Variants in TMEM92 observed in about 807,000 individuals in gnomAD.
TMEM92 encodes transmembrane protein 92.
TMEM92 carries 15 observed loss-of-function variants against 14.6 expected under a neutral mutation model. That is an observed-to-expected ratio of 1.03 (90% CI 0.69 to 1.58). The LOEUF is 1.58. Among genes scored for constraint, TMEM92 ranks in the 40% most tolerant of loss-of-function variants. TMEM92 has a pLI of 0.00. For synonymous variants in TMEM92, 85 were observed against 83.3 expected, an observed-to-expected ratio of 1.02 and a Z score of -0.11; for missense variants, 174 against 202.4, an observed-to-expected ratio of 0.86 and a Z score of 0.85.
Position 50,278,922 on chromosome 17 carries a change from C to T in TMEM92, c.292C>T (p.Leu98=), listed in dbSNP as rs1177928551. The T allele has an allele frequency of 6.2e-7, 1 of 1,613,866 alleles. No individual in the cohort carries two copies. The highest frequency in any genetic ancestry group is 1.7e-5 in the Admixed American group (1 of 60,006). ...CAGCCCAGTGGATTGCCGGGGGCCC[C>T]TGGAACTGCCCTCCATCATCCCCCC... ...PDSPVDCRGP[L]ELPSIIPPER... is the part of the protein sequence containing the mutation. Residue 98 remains leucine, a synonymous_variant, in exon 4 of 5, where the codon CTG becomes TTG. Coordinates refer to ENST00000507382, the MANE Select transcript of TMEM92 (RefSeq NM_153229.3).
At chr17:50,274,201 G>C (rs550855488), upstream of TMEM92, among the ~76,000 whole-genome samples, 3 of 151,972 alleles carry the variant, frequency 2.0e-5, no homozygotes, top group Non-Finnish European at 4.4e-5. Context: ...AGCTGGTCTC[G>C]AACTCCTGAC....
chr17:50,275,681 A>C (rs1461828969), intron 1 of TMEM92, among the ~76,000 whole-genome samples: 1 of 152,046 alleles, frequency 6.6e-6, no homozygotes, highest in East Asian at 1.9e-4. Context: ...CCGGAACTTG[A>C]GATTAATTTA....
chr17:50,279,903 C>G lies in TMEM92; in HGVS notation c.*595C>G, dbSNP rs889513755. 18 of 154,700 alleles carry G rather than the reference C, an allele frequency of 1.2e-4. No homozygotes were observed. The highest frequency in any genetic ancestry group is 4.3e-4 in the African/African-American group (18 of 41,438). The allele number at this position is 154,700 out of a possible 1,614,324, so 9.6% of individuals were successfully genotyped here. A position where few individuals can be genotyped will look rare whatever the true frequency, so the allele number is the denominator to read the frequency against. ...GGTGATGGGGTCGCTGCGCCGCAATCCCACCACTGATGAGCCACCTGGGAG... is the reference window on the plus strand; with the variant it reads ...GGTGATGGGGTCGCTGCGCCGCAATGCCACCACTGATGAGCCACCTGGGAG... On this transcript the variant is annotated 3_prime_UTR_variant, in exon 5 of 5. Transcript: ENST00000507382.
chr17:50,276,792 G>A lies in TMEM92; in HGVS notation c.70-923G>A, dbSNP rs138490328. Among the ~76,000 whole-genome samples, 596 of 152,256 alleles carry A rather than the reference G, an allele frequency of 3.9e-3. 6 individuals are homozygous for A. Among genetic ancestry groups the A allele is most frequent in the African/African-American group, 0.013 (559 of 41,538 alleles). ...ATGCAGCAAAAATCCCTGCCCTCGC[G>A]GAGTTTGCCTTTTACACAACTGAAG... On this transcript the variant is annotated intron_variant, in intron 1 of 4. Transcript: ENST00000507382.
rs1910544823 is a variant in TMEM92 at position 50,279,477 on chromosome 17, CCT to C, written c.*174_*175del. On this transcript the variant is annotated 3_prime_UTR_variant, in exon 5 of 5. Coordinates refer to ENST00000507382, the MANE Select transcript of TMEM92 (RefSeq NM_153229.3). ...TCTGCTTCTGTTTCCACCCCAGCTG[CCT>C]CTCTTGTCCTGAGGGTTAGGCTGGA... 1.6e-6 allele frequency: 1 copy of C among 609,402 alleles called. No individual in the cohort carries two copies. Among genetic ancestry groups the C allele is most frequent in the South Asian group, 1.9e-5 (1 of 53,698 alleles). The allele number at this position is 609,402 out of a possible 1,614,324, so 37.7% of individuals were successfully genotyped here. A position where few individuals can be genotyped will look rare whatever the true frequency, so the allele number is the denominator to read the frequency against.
In TMEM92 at chr17:50,275,016, G is replaced by A. The variant is rs75728956; in HGVS notation, c.69+446G>A. 7.6e-4 allele frequency: 122 copies of A among 159,962 alleles called. No homozygotes were observed. In the East Asian group the frequency reaches 0.022, roughly 29 times the overall value. The allele number at this position is 159,962 out of a possible 1,614,324, so 9.9% of individuals were successfully genotyped here. On this transcript the variant is annotated intron_variant, in intron 1 of 4. Coordinates refer to ENST00000507382, the MANE Select transcript of TMEM92 (RefSeq NM_153229.3). ...GTGTCTCTGCTTGTTCCCTAGGGGA[G>A]AGAAGGCTCTTTTGTCCCCTTCTAG...
chr17:50,281,447 G>T lies in TMEM92; in HGVS notation c.*2139G>T, dbSNP rs1910617652. ...TCATTGTGCCACCAGAGCTCCCTAT[G>T]CAGCCTTTTAAAAGAATAAATAGGA... On this transcript the variant is annotated 3_prime_UTR_variant, in exon 5 of 5. Coordinates refer to ENST00000507382, the MANE Select transcript of TMEM92 (RefSeq NM_153229.3). 1 of 152,146 alleles carries T rather than the reference G, an allele frequency of 6.6e-6. No individual in the cohort carries two copies. The highest frequency in any genetic ancestry group is 1.5e-5 in the Non-Finnish European group (1 of 68,028). 9.4% of individuals were successfully genotyped at this position (152,146 alleles called of 1,614,324 possible). A position where few individuals can be genotyped will look rare whatever the true frequency, so the allele number is the denominator to read the frequency against.
In TMEM92 at chr17:50,278,879, CAG is replaced by C. The variant is rs1910518761; in HGVS notation, c.254_255del (p.Glu85AlafsTer37). ...GLAKCFCRNC[R>X]EPEPDSPVDC... is the part of the protein sequence containing the mutation. ...TGGCTAAGTGCTTCTGTCGCAACTG[CAG>C]AGAGCCGGAGCCAGACAGCCCAGTG... On this transcript the variant is annotated frameshift_variant, in exon 4 of 5. Transcript: ENST00000507382. LOFTEE classifies it high-confidence loss of function. The C allele has an allele frequency of 3.1e-6, 5 of 1,613,858 alleles. No individual in the cohort carries two copies. The East Asian group carries it at 1.1e-4, about 36-fold the overall frequency.
intron 1 of TMEM92, among the ~76,000 whole-genome samples, chr17:50,277,480 G>A (rs961454812): frequency 5.9e-5 from 9 of 152,062 alleles, no homozygotes; most frequent in Middle Eastern, 3.4e-3. Context: ...CAAACCCGGG[G>A]GTGATGGAAT....
At chr17:50,279,033 C>A in intron 4 of TMEM92, 37 bp downstream of exon 4, 2 of 1,492,862 alleles carry the variant, frequency 1.3e-6, no homozygotes, top group South Asian at 1.2e-5. Context: ...TTGCCTCTGG[C>A]CGGCTGTGCA....
chr17:50,278,655 G>A lies in TMEM92; in HGVS notation c.170+25G>A, dbSNP rs773930622. On this transcript the variant is annotated intron_variant, in intron 3 of 4. Transcript: ENST00000507382. ...GGTGAGCCCAGGGCCAGCTCCTTTG[G>A]GTGCAGTCCTTGGAGGGGCCTGGTC... 3.7e-6 allele frequency: 6 copies of A among 1,611,022 alleles called. No individual in the cohort carries two copies. In the Middle Eastern group the frequency reaches 5.0e-4, roughly 134 times the overall value.
At chr17:50,274,714 T>TGTGGAGGTGGAGGTGGGGGCA in intron 1 of TMEM92, 144 bp downstream of exon 1, 6 of 781,026 alleles carry the variant, frequency 7.7e-6, no homozygotes, top group Non-Finnish European at 1.2e-5. Flanking sequence ...CTCTCTTTGC[T>TGTGGAGGTGGAGGTGGGGGCA]GTGGAGGTGG....
At chr17:50,274,818 T>C (rs1198186804) in intron 1 of TMEM92, 1 of 546,150 alleles carries the variant, frequency 1.8e-6, no homozygotes, top group African/African-American at 1.9e-5. Flanking sequence ...CCCACCACCT[T>C]ATCTGACACC....
chr17:50,274,631 GC>G, intron 1 of TMEM92, 61 bp downstream of exon 1: 1 of 1,464,864 alleles, frequency 6.8e-7, no homozygotes, highest in Non-Finnish European at 9.4e-7. Flanking sequence ...TCAGGAGCCT[GC>G]TTCTGGAGCC....
At chr17:50,275,825 CTG>C (rs1270929045) in intron 1 of TMEM92, among the ~76,000 whole-genome samples, 4 of 152,048 alleles carry the variant, frequency 2.6e-5, no homozygotes. Flanking sequence ...AGTTCCCTCT[CTG>C]TATATATATA....
intron 2 of TMEM92, 31 bp downstream of exon 2, chr17:50,277,771 G>A: frequency 1.2e-6 from 2 of 1,613,878 alleles, no homozygotes; most frequent in South Asian, 1.1e-5. Flanking sequence ...TTCCAATCTG[G>A]GGAGCGGGGA....
chr17:50,278,742 G>A (rs1050900550), intron 3 of TMEM92, 59 bp from the exon 4 acceptor site: 20 of 1,574,496 alleles, frequency 1.3e-5, no homozygotes, highest in Admixed American at 9.4e-5. Context: ...GCGGGGAGAT[G>A]TAGGGAGTCC....
intron 1 of TMEM92, 116 bp downstream of exon 1, chr17:50,274,686 CAGTT>C (rs771561353): frequency 4.6e-6 from 4 of 875,990 alleles, no homozygotes; most frequent in East Asian, 2.8e-5. Context: ...TGACCACACA[CAGTT>C]AGCTACTTCC....
In TMEM92 at chr17:50,279,391, G is replaced by A; in HGVS notation, c.*83G>A. ...CAAGCTAGAGACTGCTGGCACCCCA[G>A]GAATGTCCCTGCCCATCCTGCCGTG... On this transcript the variant is annotated 3_prime_UTR_variant, in exon 5 of 5. Coordinates refer to ENST00000507382, the MANE Select transcript of TMEM92 (RefSeq NM_153229.3). The A allele has an allele frequency of 1.8e-6, 2 of 1,083,652 alleles. No individual in the cohort carries two copies. The highest frequency in any genetic ancestry group is 3.9e-5 in the Admixed American group (2 of 50,644). The allele number at this position is 1,083,652 out of a possible 1,614,324, so 67.1% of individuals were successfully genotyped here.
Sources: gnomAD v4.1 joint callset for allele counts (sites outside exome capture counted in the v4.1 genomes callset) on GRCh38, gnomAD v4.1.1 for gene constraint, MANE v1.5 for transcripts, NCBI Gene and HGNC (gene_info 2026-07-23, HGNC 2026-07-21) for gene names.